Variants in NFIX observed in about 807,000 individuals in gnomAD.
The protein encoded by NFIX is nuclear factor I X, also known as nuclear factor 1 X-type.
Under a neutral mutation model 53.3 loss-of-function variants are expected in NFIX, and 2 were observed. That is an observed-to-expected ratio of 0.04 (90% CI 0.02 to 0.12). NFIX has a LOEUF of 0.12. Ranked by LOEUF, NFIX falls within the 10% of genes least tolerant of loss-of-function variation. NFIX has a pLI of 1.00. For synonymous variants in NFIX, 244 were observed against 289.0 expected (o/e 0.84, Z 1.58); for missense variants, 310 against 674.5 (o/e 0.46, Z 5.99).
At chr19:13,004,001 C>T (rs1308789923) in intron 1 of NFIX, among the ~76,000 whole-genome samples, 1 of 152,058 alleles carries the variant, frequency 6.6e-6, no homozygotes, top group East Asian at 1.9e-4. Flanking sequence ...TTTTGAATTC[C>T]TGGGCTCAGG....
In NFIX at chr19:13,097,983, A is replaced by AG. The variant is rs1449096439; in HGVS notation, c.*3335dup. The AG allele has an allele frequency of 2.6e-5, 4 of 153,360 alleles. No individual in the cohort carries two copies. Among genetic ancestry groups the AG allele is most frequent in the Non-Finnish European group, 1.4e-5 (1 of 69,406 alleles). 9.5% of individuals were successfully genotyped at this position (153,360 alleles called of 1,614,324 possible). ...CACGCACGCACACGGCCCCGCACAC[A>AG]GCCCCGCCCCACCCCGCAACCAGCC... On this transcript the variant is annotated 3_prime_UTR_variant, in exon 11 of 11. Transcript: ENST00000592199.
At chr19:13,061,157 A>G (rs1264398787) in intron 2 of NFIX, among the ~76,000 whole-genome samples, 1 of 144,612 alleles carries the variant, frequency 6.9e-6, no homozygotes, top group African/African-American at 2.5e-5. Context: ...GCAGCCACAC[A>G]GGGTGGGACC....
At chr19:13,048,234 T>C (rs745349692) in intron 2 of NFIX, among the ~76,000 whole-genome samples, 1 of 152,228 alleles carries the variant, frequency 6.6e-6, no homozygotes, top group South Asian at 2.1e-4. Flanking sequence ...AACTCTAAAC[T>C]CTTCTTTCCA....
At chr19:13,092,624 C>T (rs1290012355) in intron 10 of NFIX, among the ~76,000 whole-genome samples, 2 of 152,366 alleles carry the variant, frequency 1.3e-5, no homozygotes, top group East Asian at 1.9e-4. Flanking sequence ...GGTGGGCTTA[C>T]CACCAGAGTC....
rs1250102195 is a variant in NFIX at position 13,049,207 on chromosome 19, C to T, written c.559+23655C>T. ...ATTTAAGGTTGCAGCAAGCGATGAT[C>T]ACACTACTGCACTCCAGCCTGGGCA... On this transcript the variant is annotated intron_variant, in intron 2 of 10. Coordinates refer to ENST00000592199, the MANE Select transcript of NFIX (RefSeq NM_001365902.3). This position sits in a 1 kb window ranked among gnomAD's most constrained non-coding sequence, Gnocchi z 4.5. 2.0e-5 allele frequency among the ~76,000 whole-genome samples: 3 copies of T among 152,058 alleles called. No individual in the cohort carries two copies. The highest frequency in any genetic ancestry group is 7.2e-5 in the African/African-American group (3 of 41,392).
chr19:13,061,977 T>G (rs1475723970), intron 2 of NFIX, among the ~76,000 whole-genome samples: 1 of 152,100 alleles, frequency 6.6e-6, no homozygotes, highest in Non-Finnish European at 1.5e-5. Flanking sequence ...GCCGTCCTAT[T>G]CAACCCATCC....
chr19:13,051,441 G>T lies in NFIX; in HGVS notation c.560-21606G>T, dbSNP rs534387204. Among the ~76,000 whole-genome samples the T allele has an allele frequency of 2.0e-5, 3 of 152,192 alleles. No individual in the cohort carries two copies. Among genetic ancestry groups the T allele is most frequent in the Non-Finnish European group, 2.9e-5 (2 of 68,018 alleles). ...CCTGACAGCATTGCACAAGTCAGCCGTCCTGCAAGGTGGCTCTTTGCTGCT... is the reference window on the plus strand; with the variant it reads ...CCTGACAGCATTGCACAAGTCAGCCTTCCTGCAAGGTGGCTCTTTGCTGCT... On this transcript the variant is annotated intron_variant, in intron 2 of 10. Coordinates refer to ENST00000592199, the MANE Select transcript of NFIX (RefSeq NM_001365902.3). The surrounding 1 kb of genome is among the most constrained non-coding windows in gnomAD (Gnocchi z 5.1).
chr19:12,996,521 G>GGAGGGGA lies in NFIX; in HGVS notation c.27+664_27+670dup, dbSNP rs2011472145. 6.6e-6 allele frequency among the ~76,000 whole-genome samples: 1 copy of GGAGGGGA among 152,136 alleles called. No individual in the cohort carries two copies. Among genetic ancestry groups the GGAGGGGA allele is most frequent in the Non-Finnish European group, 1.5e-5 (1 of 68,008 alleles). On this transcript the variant is annotated intron_variant, in intron 1 of 10. Coordinates refer to ENST00000592199, the MANE Select transcript of NFIX (RefSeq NM_001365902.3). This position sits in a 1 kb window ranked among gnomAD's most constrained non-coding sequence, Gnocchi z 5.2. ...GGCTCCCAAATTTCGGAGGGGCAGG[G>GGAGGGGA]GAGGGGAGAGGGGGGCGGGCGCGCT...
intron 1 of NFIX, among the ~76,000 whole-genome samples, chr19:13,023,396 A>G (rs1293202419): frequency 1.3e-5 from 2 of 150,138 alleles, no homozygotes; most frequent in African/African-American, 4.9e-5. Context: ...GCCGGTCAGA[A>G]CTCGTCCTCT....
intron 2 of NFIX, among the ~76,000 whole-genome samples, chr19:13,056,020 C>T (rs1404782558): frequency 2.0e-5 from 3 of 152,132 alleles, no homozygotes; most frequent in African/African-American, 7.2e-5. Flanking sequence ...TGCGGTTTCG[C>T]AGGAGGGGAG....
chr19:13,066,307 A>G lies in NFIX; in HGVS notation c.560-6740A>G, dbSNP rs928442927. On this transcript the variant is annotated intron_variant, in intron 2 of 10. Transcript: ENST00000592199. This position sits in a 1 kb window ranked among gnomAD's most constrained non-coding sequence, Gnocchi z 4.2. Reference sequence around the variant, plus strand: ...CAGGGGATGGAGAGGGGAATGTCCCATCCAGATGCTGGCCCTTCATCTGCC... The same window carrying G: ...CAGGGGATGGAGAGGGGAATGTCCCGTCCAGATGCTGGCCCTTCATCTGCC... 3.3e-5 allele frequency among the ~76,000 whole-genome samples: 5 copies of G among 152,180 alleles called. No individual in the cohort carries two copies. The highest frequency in any genetic ancestry group is 2.0e-4 in the Admixed American group (3 of 15,284).
Position 13,072,403 on chromosome 19 carries a change from C to T in NFIX, c.560-644C>T, listed in dbSNP as rs916832975. Among the ~76,000 whole-genome samples the T allele has an allele frequency of 6.6e-6, 1 of 152,242 alleles. No homozygotes were observed. The highest frequency in any genetic ancestry group is 6.5e-5 in the Admixed American group (1 of 15,288). Reference sequence around the variant, plus strand: ...CAGGCTGGCACAGAGCGGGCGACAGCGTCAGGGCAGACCTCCCCCCTCTGG... The same window carrying T: ...CAGGCTGGCACAGAGCGGGCGACAGTGTCAGGGCAGACCTCCCCCCTCTGG... On this transcript the variant is annotated intron_variant, in intron 2 of 10. Coordinates refer to ENST00000592199, the MANE Select transcript of NFIX (RefSeq NM_001365902.3). This position sits in a 1 kb window ranked among gnomAD's most constrained non-coding sequence, Gnocchi z 4.0.
intron 1 of NFIX, among the ~76,000 whole-genome samples, chr19:13,016,248 C>T (rs1331998690): frequency 1.3e-5 from 2 of 152,150 alleles, no homozygotes; most frequent in East Asian, 3.8e-4. Flanking sequence ...CTCCAGCCTG[C>T]TTTGCTTAGT....
rs751819997 is a variant in NFIX at position 13,090,259 on chromosome 19, G to T, written c.1403-40G>T. 6.2e-7 allele frequency: 1 copy of T among 1,600,324 alleles called. No homozygotes were observed. Among genetic ancestry groups the T allele is most frequent in the Admixed American group, 1.7e-5 (1 of 59,986 alleles). ...GGGCAGTGCCCAGGTGGGCCCCAAG[G>T]CCTGACAGGGTCTCTCCCTCTCTCC... On this transcript the variant is annotated intron_variant, in intron 9 of 10. Coordinates refer to ENST00000592199, the MANE Select transcript of NFIX (RefSeq NM_001365902.3). This position sits in a 1 kb window ranked among gnomAD's most constrained non-coding sequence, Gnocchi z 6.6.
intron 7 of NFIX, among the ~76,000 whole-genome samples, chr19:13,079,836 G>A (rs1176558865): frequency 6.6e-6 from 1 of 152,276 alleles, no homozygotes; most frequent in Non-Finnish European, 1.5e-5. Context: ...ACGGGAGGAG[G>A]AAGAGCTGGG....
At chr19:13,016,008 T>G (rs2012647326) in intron 1 of NFIX, among the ~76,000 whole-genome samples, 1 of 152,174 alleles carries the variant, frequency 6.6e-6, no homozygotes, top group African/African-American at 2.4e-5. Context: ...GCTTAAAAAT[T>G]TAAGGCTTGT....
chr19:13,079,884 G>A (rs921271864), intron 7 of NFIX, among the ~76,000 whole-genome samples: 2 of 152,394 alleles, frequency 1.3e-5, no homozygotes, highest in South Asian at 2.1e-4. Context: ...GCAAGGACGC[G>A]TATGTGAGGA....
rs1039510981 is a variant in NFIX, at chr19:13,072,576, G to A, written c.560-471G>A. 5.3e-5 allele frequency among the ~76,000 whole-genome samples: 8 copies of A among 152,252 alleles called. No individual in the cohort carries two copies. The highest frequency in any genetic ancestry group is 1.7e-4 in the African/African-American group (7 of 41,468). On this transcript the variant is annotated intron_variant, in intron 2 of 10. Transcript: ENST00000592199. The surrounding 1 kb of genome is among the most constrained non-coding windows in gnomAD (Gnocchi z 4.0). ...ATGGGGGACCCTTGGGTCTGTCCCC[G>A]CTGTGGAGAGAGATGGTCTCTGACT...
At position 13,067,877 on chromosome 19, in the gene NFIX, G is replaced by A. The variant is rs10417216; in HGVS notation, c.560-5170G>A. On this transcript the variant is annotated intron_variant, in intron 2 of 10. Coordinates refer to ENST00000592199, the MANE Select transcript of NFIX (RefSeq NM_001365902.3). This position sits in a 1 kb window ranked among gnomAD's most constrained non-coding sequence, Gnocchi z 4.2. Reference sequence around the variant, plus strand: ...TCCCAGCACTTTGGGAGGCTGAGACGGGCGGATCACCAGGTCAGGAGATCG... The same window carrying A: ...TCCCAGCACTTTGGGAGGCTGAGACAGGCGGATCACCAGGTCAGGAGATCG... Among the ~76,000 whole-genome samples, 131 of 152,162 alleles carry A rather than the reference G, an allele frequency of 8.6e-4. 1 individual carries two copies. The highest frequency in any genetic ancestry group is 1.1e-3 in the Non-Finnish European group (78 of 68,006).
Sources: gnomAD v4.1 joint callset for allele counts (sites outside exome capture counted in the v4.1 genomes callset) on GRCh38, gnomAD v4.1.1 for gene constraint, Gnocchi (gnomAD v3.1) non-coding constraint, MANE v1.5 for transcripts, NCBI Gene and HGNC (gene_info 2026-07-23, HGNC 2026-07-21) for gene names.